Variants in TENM3 observed in about 807,000 individuals in gnomAD.
TENM3 encodes teneurin-3.
A neutral mutation model predicts 255.1 loss-of-function variants in TENM3; 63 were observed. The observed-to-expected ratio is 0.25, with a 90% CI of 0.20 to 0.30. The LOEUF (loss-of-function observed/expected upper bound fraction) is 0.30. Among genes scored for constraint, TENM3 ranks in the 10% least tolerant of loss-of-function variants. TENM3 has a pLI of 1.00. For synonymous variants in TENM3, 1,306 were observed against 1,322.3 expected, an observed-to-expected ratio of 0.99 and a Z score of 0.27; for missense variants, 2,929 against 3,461.1, an observed-to-expected ratio of 0.85 and a Z score of 3.86.
chr4:181,764,974 C>A, the TENM3 span, among the ~76,000 whole-genome samples: 2 of 152,210 alleles, frequency 1.3e-5, no homozygotes, highest in Admixed American at 1.3e-4. Context: ...GGATTACAGG[C>A]ATGAACCACT....
chr4:182,174,451 T>A lies in TENM3; in HGVS notation c.-76+29697T>A, dbSNP rs532553033. ...TTGTAGGCACTCTTTTTGTGTTTTT[T>A]TTTTTCTCTTCTTCTGATTTCATCT... is the stretch of plus-strand genomic sequence containing the variant. On this transcript the variant is annotated intron_variant, in intron 1 of 2. Coordinates refer to the TENM3 transcript ENST00000512480. Among the ~76,000 whole-genome samples, 542 of 149,714 alleles carry A rather than the reference T, an allele frequency of 3.6e-3. 6 individuals are homozygous for A. Among genetic ancestry groups the A allele is most frequent in the African/African-American group, 0.012 (490 of 40,904 alleles).
the TENM3 span, among the ~76,000 whole-genome samples, chr4:182,093,293 C>A: frequency 6.6e-6 from 1 of 152,114 alleles, no homozygotes; most frequent in Non-Finnish European, 1.5e-5. Flanking sequence ...ATTATTGAGA[C>A]GGGAAGTTTA....
intron 3 of TENM3, among the ~76,000 whole-genome samples, chr4:182,377,268 G>A (rs1767235518): frequency 6.6e-6 from 1 of 152,036 alleles, no homozygotes; most frequent in Non-Finnish European, 1.5e-5. Flanking sequence ...ATCAAATTTT[G>A]ATTCTGCGTA....
chr4:182,518,595 C>G (rs1738242134), intron 3 of TENM3, among the ~76,000 whole-genome samples: 1 of 151,956 alleles, frequency 6.6e-6, no homozygotes, highest in Admixed American at 6.5e-5. Flanking sequence ...GGGCCTCAGT[C>G]CCATAGCTGC....
the TENM3 span, among the ~76,000 whole-genome samples, chr4:182,127,715 C>T: frequency 6.6e-6 from 1 of 152,150 alleles, no homozygotes; most frequent in African/African-American, 2.4e-5. Context: ...ACAAAGTTTA[C>T]TGAAAGACTC....
chr4:182,156,621 A>G (rs1750722389), intron 1 of TENM3, among the ~76,000 whole-genome samples: 2 of 152,288 alleles, frequency 1.3e-5, no homozygotes, highest in South Asian at 2.1e-4. Context: ...AGAAAACCCC[A>G]TTAAAATATA....
At chr4:181,597,930 A>G in the TENM3 span, among the ~76,000 whole-genome samples, 12 of 152,116 alleles carry the variant, frequency 7.9e-5, no homozygotes, top group Non-Finnish European at 1.5e-5. Context: ...GAATAATATT[A>G]CTCATCTCCA....
chr4:182,184,621 C>T (rs1442233587), intron 1 of TENM3, among the ~76,000 whole-genome samples: 1 of 151,690 alleles, frequency 6.6e-6, no homozygotes, highest in African/African-American at 2.4e-5. Context: ...CATAGCCAGC[C>T]TACTGCTATG....
chr4:181,993,034 A>G, the TENM3 span, among the ~76,000 whole-genome samples: 1 of 152,118 alleles, frequency 6.6e-6, no homozygotes, highest in Non-Finnish European at 1.5e-5. Context: ...TTATACTTTT[A>G]TGATGTTAGA....
At chr4:182,761,880 A>G (rs139715629) in intron 22 of TENM3, among the ~76,000 whole-genome samples, 4 of 152,336 alleles carry the variant, frequency 2.6e-5, no homozygotes, top group African/African-American at 9.6e-5. Flanking sequence ...ATTATTAACC[A>G]AAACGTGTAT....
chr4:182,502,280 G>A lies in TENM3; in HGVS notation c.512-98644G>A, dbSNP rs189850398. Among the ~76,000 whole-genome samples, 501 of 152,206 alleles carry A rather than the reference G, an allele frequency of 3.3e-3. 6 individuals carry two copies. Among genetic ancestry groups the A allele is most frequent in the African/African-American group, 0.011 (464 of 41,518 alleles). On this transcript the variant is annotated intron_variant, in intron 3 of 27. Transcript: ENST00000511685. ...GGCCTTTCATGAGGATGCTGGGGGC[G>A]GCAGAGGCGGTGCTGTGTACTTCAT... is the stretch of plus-strand genomic sequence containing the variant.
the TENM3 span, among the ~76,000 whole-genome samples, chr4:182,046,900 T>C: frequency 0.013 from 1,980 of 152,318 alleles, 50 homozygotes; most frequent in African/African-American, 0.044. Flanking sequence ...AATGTTCTTA[T>C]AGGCAATGCC....
At chr4:181,865,156 A>G in the TENM3 span, among the ~76,000 whole-genome samples, 1 of 152,366 alleles carries the variant, frequency 6.6e-6, no homozygotes, top group East Asian at 1.9e-4. Context: ...TCACCTGAGT[A>G]ACAAGGCAAG....
the TENM3 span, among the ~76,000 whole-genome samples, chr4:181,749,518 A>G: frequency 6.6e-6 from 1 of 152,154 alleles, no homozygotes; most frequent in Non-Finnish European, 1.5e-5. Flanking sequence ...TTCAAAAGCA[A>G]AATGTTTGAG....
upstream of TENM3, among the ~76,000 whole-genome samples, chr4:182,140,621 C>T (rs904619479): frequency 6.6e-6 from 1 of 152,194 alleles, no homozygotes; most frequent in African/African-American, 2.4e-5. Context: ...CTGCCTGACC[C>T]GGCGGTCCCC....
the TENM3 span, among the ~76,000 whole-genome samples, chr4:182,021,632 T>C: frequency 1.3e-5 from 2 of 152,226 alleles, no homozygotes; most frequent in Non-Finnish European, 1.5e-5. Flanking sequence ...TCTAGACTTC[T>C]TGCCCTGTGA....
At chr4:181,589,816 A>T in the TENM3 span, among the ~76,000 whole-genome samples, 1 of 152,240 alleles carries the variant, frequency 6.6e-6, no homozygotes, top group Non-Finnish European at 1.5e-5. Context: ...TAAAGACCGT[A>T]CGTGATTCTC....
intron 1 of TENM3, among the ~76,000 whole-genome samples, chr4:182,159,224 A>T (rs1222915543): frequency 6.6e-6 from 1 of 152,212 alleles, no homozygotes; most frequent in African/African-American, 2.4e-5. Flanking sequence ...TCGGCACCTT[A>T]TAATGAACGT....
chr4:181,803,136 A>C, the TENM3 span, among the ~76,000 whole-genome samples: 1 of 152,218 alleles, frequency 6.6e-6, no homozygotes, highest in Non-Finnish European at 1.5e-5. Context: ...ACCAGATTCC[A>C]ACCAGGAAGC....
Sources: allele counts gnomAD v4.1 joint callset (sites outside exome capture counted in the v4.1 genomes callset), GRCh38; gene constraint gnomAD v4.1.1; transcripts MANE v1.5; gene names NCBI Gene and HGNC (gene_info 2026-07-23, HGNC 2026-07-21).